The following SCP2 variants were observed in gnomAD, a reference collection of about 807,000 sequenced individuals.
SCP2 encodes sterol carrier protein 2, also known as SCP-2/3-oxoacyl-CoA thiolase.
Under a neutral mutation model 71.4 loss-of-function variants are expected in SCP2, and 48 were observed. The observed-to-expected ratio is 0.67, with a 90% CI of 0.53 to 0.86. The LOEUF (loss-of-function observed/expected upper bound fraction) is 0.86. Among genes scored for constraint, SCP2 ranks in the 40% least tolerant of loss-of-function variants. The pLI is 0.00. For synonymous variants in SCP2, 220 were observed against 218.1 expected, an observed-to-expected ratio of 1.01 and a Z score of -0.08; for missense variants, 560 against 655.6, an observed-to-expected ratio of 0.85 and a Z score of 1.59.
intron 12 of SCP2, among the ~76,000 whole-genome samples, chr1:53,018,779 A>C (rs1661520053): frequency 6.6e-6 from 1 of 152,044 alleles, no homozygotes; most frequent in South Asian, 2.1e-4. Flanking sequence ...TGGATACAAT[A>C]CTATGAACTC....
At chr1:53,034,494 T>C (rs1404607617) in intron 13 of SCP2, among the ~76,000 whole-genome samples, 1 of 152,100 alleles carries the variant, frequency 6.6e-6, no homozygotes, top group East Asian at 1.9e-4. Context: ...TGAGTTTCTT[T>C]TGGGGTTAAT....
intron 4 of SCP2, among the ~76,000 whole-genome samples, chr1:52,952,111 C>CT (rs1655370360): frequency 6.6e-6 from 1 of 152,044 alleles, no homozygotes; most frequent in African/African-American, 2.4e-5. Flanking sequence ...AAACCCTGTA[C>CT]CCATTAGCAT....
intron 6 of SCP2, among the ~76,000 whole-genome samples, chr1:52,961,839 A>G (rs1338272208): frequency 6.6e-6 from 1 of 152,162 alleles, no homozygotes; most frequent in Non-Finnish European, 1.5e-5. Flanking sequence ...TACCTAGAGT[A>G]CTCTATAGCA....
intron 11 of SCP2, chr1:52,993,919 A>G (rs116111940): frequency 0.049 from 67,505 of 1,391,366 alleles, 2,168 homozygotes; most frequent in East Asian, 0.2. Context: ...CTTCAGCCCT[A>G]TACTAGCTTT....
chr1:52,950,801 G>T lies in SCP2; in HGVS notation c.246G>T (p.Met82Ile). 1 of 1,613,714 alleles carries T rather than the reference G, an allele frequency of 6.2e-7. No homozygotes were observed. The highest frequency in any genetic ancestry group is 1.1e-5 in the South Asian group (1 of 91,036). Reference protein sequence around the residue: ...GQRAIYHSLGMTGIPIINVNN... With the variant: ...GQRAIYHSLGITGIPIINVNN... The stretch of plus-strand genomic sequence containing the variant: ...GGGCTATCTATCACAGTTTGGGAAT[G>T]ACTGGAATTCCTATAATCAATGTCA... Residue 82 changes from methionine to isoleucine, a missense_variant, in exon 4 of 16, where the codon ATG becomes ATT. Transcript: ENST00000371514.
intron 13 of SCP2, among the ~76,000 whole-genome samples, chr1:53,037,888 A>ACG (rs1663081134): frequency 1.1e-5 from 1 of 93,280 alleles, no homozygotes; most frequent in African/African-American, 7.5e-5. Context: ...ATACACACAC[A>ACG]CACACACACA....
chr1:52,931,879 G>T (rs532951193), intron 1 of SCP2, among the ~76,000 whole-genome samples: 1 of 152,118 alleles, frequency 6.6e-6, no homozygotes, highest in East Asian at 1.9e-4. Context: ...AACCTAAACT[G>T]TAACAACCTC....
intron 15 of SCP2, chr1:53,049,372 T>C (rs888123662): frequency 2.6e-5 from 4 of 152,250 alleles, no homozygotes; most frequent in African/African-American, 9.6e-5. Flanking sequence ...AATGTGCTAA[T>C]GGACTTCCCT....
At chr1:52,941,746 AAAAT>A in intron 1 of SCP2, 46 bp from the exon 2 acceptor site, 1 of 1,350,010 alleles carries the variant, frequency 7.4e-7, no homozygotes, top group Non-Finnish European at 1.1e-6. Flanking sequence ...AAAAAAAAAA[AAAAT>A]GTAACTATAC....
chr1:53,014,529 A>T (rs1391715253), intron 11 of SCP2, among the ~76,000 whole-genome samples: 2 of 152,236 alleles, frequency 1.3e-5, no homozygotes, highest in East Asian at 3.8e-4. Flanking sequence ...AAAATTTCCC[A>T]TACCAGCTAA....
At chr1:53,008,744 A>G (rs574816555) in intron 11 of SCP2, among the ~76,000 whole-genome samples, 6 of 152,044 alleles carry the variant, frequency 3.9e-5, no homozygotes, top group Admixed American at 2.6e-4. Context: ...CTCTCTCACC[A>G]CTCCTATTCA....
chr1:52,999,795 C>G (rs1228181168), intron 11 of SCP2, among the ~76,000 whole-genome samples: 2 of 149,708 alleles, frequency 1.3e-5, no homozygotes, highest in African/African-American at 5.0e-5. Flanking sequence ...CATATACTAT[C>G]CAACACTTAC....
intron 11 of SCP2, among the ~76,000 whole-genome samples, chr1:53,007,359 T>C (rs1660703095): frequency 6.6e-6 from 1 of 152,140 alleles, no homozygotes; most frequent in Non-Finnish European, 1.5e-5. Context: ...TATTCCAAAA[T>C]TGACCATGTA....
chr1:52,981,158 C>T (rs964766325), intron 10 of SCP2, among the ~76,000 whole-genome samples: 1 of 152,174 alleles, frequency 6.6e-6, no homozygotes, highest in Non-Finnish European at 1.5e-5. Flanking sequence ...TCTCAAACTC[C>T]TGACCTCAGG....
chr1:53,024,568 T>C (rs1293338142), intron 12 of SCP2, among the ~76,000 whole-genome samples: 1 of 143,260 alleles, frequency 7.0e-6, no homozygotes, highest in African/African-American at 2.7e-5. Flanking sequence ...TCTTTCTTTC[T>C]TTTTTTTTCT....
chr1:53,033,754 G>A (rs185661708), intron 13 of SCP2, among the ~76,000 whole-genome samples: 35 of 152,168 alleles, frequency 2.3e-4, no homozygotes, highest in African/African-American at 7.5e-4. Flanking sequence ...CTTTGGGAGT[G>A]CCTTAAAAAA....
In SCP2 at chr1:52,989,424, C is replaced by T. The variant is rs114556906; in HGVS notation, c.1081+1288C>T. Among the ~76,000 whole-genome samples, 570 of 152,276 alleles carry T rather than the reference C, an allele frequency of 3.7e-3. 10 individuals are homozygous for T. Among genetic ancestry groups the T allele is most frequent in the African/African-American group, 0.013 (551 of 41,562 alleles). On this transcript the variant is annotated intron_variant, in intron 11 of 15. Coordinates refer to ENST00000371514, the MANE Select transcript of SCP2 (RefSeq NM_002979.5). ...ACATAATCTCTGTGAGAGCAACGAG[C>T]TTTGTGGCATTTTCACCTGCCTTAA...
In SCP2 at chr1:52,970,069, T is replaced by C. The variant is rs1258898874; in HGVS notation, c.524-4700T>C. Among the ~76,000 whole-genome samples the C allele has an allele frequency of 4.6e-5, 7 of 152,356 alleles. No homozygotes were observed. In the East Asian group the frequency reaches 1.3e-3, roughly 29 times the overall value. On this transcript the variant is annotated intron_variant, in intron 6 of 15. Transcript: ENST00000371514. The stretch of plus-strand genomic sequence containing the variant: ...TATGTAGTATTTTCATTATCATTAT[T>C]TTCTGACAAGTTCTATAATTTCCAT...
intron 11 of SCP2, among the ~76,000 whole-genome samples, chr1:52,999,035 T>G (rs1376448773): frequency 6.6e-6 from 1 of 152,196 alleles, no homozygotes; most frequent in African/African-American, 2.4e-5. Flanking sequence ...GTTGGTAAAT[T>G]TTTCCTTTTA....
Sources: allele counts gnomAD v4.1 joint callset (sites outside exome capture counted in the v4.1 genomes callset), GRCh38; gene constraint gnomAD v4.1.1; transcripts MANE v1.5; gene names NCBI Gene and HGNC (gene_info 2026-07-23, HGNC 2026-07-21).